NPR3: variants seen among roughly 807,000 people sequenced by gnomAD.
NPR3 encodes natriuretic peptide receptor 3.
In NPR3, 34 loss-of-function variants were observed where a neutral mutation model predicts 54.5. That is an observed-to-expected ratio of 0.62 (90% CI 0.47 to 0.83). NPR3 has a LOEUF of 0.83. NPR3 is among the 40% of genes least tolerant of loss of function. The probability of loss-of-function intolerance (pLI) is 0.00; values close to 1 mark genes in which losing one functional copy is unlikely to be tolerated. For missense variants in NPR3, 674 were observed against 720.8 expected (o/e 0.94, Z 0.74); for synonymous variants, 289 against 297.1 (o/e 0.97, Z 0.28).
rs188524414 is a variant in NPR3, at chr5:32,788,362, G to A, written c.*2017G>A. ...GAAGTAAAATCCAGGCAAGCAAAGC[G>A]TTGTACCACTTGGGACTCCCCAAAG... On this transcript the variant is annotated 3_prime_UTR_variant, in exon 8 of 8. Coordinates refer to ENST00000265074, the MANE Select transcript of NPR3 (RefSeq NM_001204375.2). 91 of 152,332 alleles carry A rather than the reference G, an allele frequency of 6.0e-4. No individual in the cohort carries two copies. Among genetic ancestry groups the A allele is most frequent in the Middle Eastern group, 3.4e-3 (1 of 294 alleles). 9.4% of individuals were successfully genotyped at this position (152,332 alleles called of 1,614,324 possible).
chr5:32,772,775 T>C (rs1399381124), intron 3 of NPR3, among the ~76,000 whole-genome samples: 1 of 150,464 alleles, frequency 6.6e-6, no homozygotes, highest in Non-Finnish European at 1.5e-5. Flanking sequence ...TCTTCTACAT[T>C]TATTAATTTT....
intron 3 of NPR3, among the ~76,000 whole-genome samples, chr5:32,749,231 G>A (rs1328832446): frequency 6.6e-6 from 1 of 152,026 alleles, no homozygotes; most frequent in Admixed American, 6.6e-5. Context: ...AGAAAAAAAG[G>A]TGCTTCTTAC....
upstream of NPR3, among the ~76,000 whole-genome samples, chr5:32,707,140 A>C (rs1264031566): frequency 1.3e-5 from 2 of 152,172 alleles, no homozygotes; most frequent in African/African-American, 4.8e-5. Flanking sequence ...TTCTAATGTC[A>C]CTTTGCCTCA....
intron 1 of NPR3, among the ~76,000 whole-genome samples, chr5:32,702,524 T>C (rs1277388988): frequency 6.6e-6 from 1 of 151,310 alleles, no homozygotes; most frequent in Non-Finnish European, 1.5e-5. Flanking sequence ...GTTTTTTTTG[T>C]CCTTACGATA....
At chr5:32,712,732 C>T (rs936513681) in intron 1 of NPR3, among the ~76,000 whole-genome samples, 187 bp downstream of exon 1, 1 of 152,228 alleles carries the variant, frequency 6.6e-6, no homozygotes, top group Non-Finnish European at 1.5e-5. Context: ...TCGCGGTGTA[C>T]GTAGAGGGTC....
At chr5:32,693,891 A>G (rs530669183) in intron 1 of NPR3, among the ~76,000 whole-genome samples, 2 of 152,278 alleles carry the variant, frequency 1.3e-5, no homozygotes, top group African/African-American at 2.4e-5. Context: ...ACTCCCCGCA[A>G]TGCAATCCTC....
intron 3 of NPR3, among the ~76,000 whole-genome samples, chr5:32,752,374 T>C (rs1401226976): frequency 6.6e-6 from 1 of 152,236 alleles, no homozygotes; most frequent in African/African-American, 2.4e-5. Flanking sequence ...TCTTGCCTTG[T>C]ACAATATCAT....
chr5:32,724,958 A>G, intron 2 of NPR3, 138 bp downstream of exon 2: 1 of 963,690 alleles, frequency 1.0e-6, no homozygotes. Flanking sequence ...AAACAATGGA[A>G]TCATGTCTTT....
chr5:32,762,264 G>A, intron 3 of NPR3, among the ~76,000 whole-genome samples: 2 of 152,082 alleles, frequency 1.3e-5, no homozygotes, highest in South Asian at 4.2e-4. Context: ...ACATGTGCAT[G>A]TGTCTTTATA....
At chr5:32,773,454 G>A (rs1325088655) in intron 3 of NPR3, among the ~76,000 whole-genome samples, 2 of 152,104 alleles carry the variant, frequency 1.3e-5, no homozygotes, top group African/African-American at 2.4e-5. Flanking sequence ...CCAGATTCTC[G>A]ATGATCTGAC....
intron 3 of NPR3, among the ~76,000 whole-genome samples, chr5:32,739,609 G>A (rs1354957192): frequency 6.6e-6 from 1 of 152,146 alleles, no homozygotes; most frequent in African/African-American, 2.4e-5. Flanking sequence ...TGCATTTCAA[G>A]AGTGGACAAG....
chr5:32,729,091 G>A (rs112078265), intron 2 of NPR3, among the ~76,000 whole-genome samples: 14,195 of 138,950 alleles, frequency 0.1, 874 homozygotes, highest in Middle Eastern at 0.19. Context: ...GTGCAGTGGC[G>A]GGATCTCGGC....
At position 32,712,004 on chromosome 5, in the gene NPR3, C is replaced by T; in HGVS notation, c.228C>T (p.Ile76=). The T allele has an allele frequency of 7.4e-6, 12 of 1,612,742 alleles. No individual in the cohort carries two copies. Among genetic ancestry groups the T allele is most frequent in the South Asian group, 1.1e-5 (1 of 91,006 alleles). The part of the protein sequence containing the change: ...LFSLTRVRPA[I]EYALRSVEGN... ...CACTCACCCGGGTGCGGCCGGCCAT[C>T]GAGTATGCTCTGCGCAGCGTGGAGG... Residue 76 remains isoleucine (I), a synonymous_variant, in exon 1 of 8, where the codon ATC becomes ATT. Coordinates refer to ENST00000265074, the MANE Select transcript of NPR3 (RefSeq NM_001204375.2).
At chr5:32,762,623 A>G (rs1741237071) in intron 3 of NPR3, among the ~76,000 whole-genome samples, 2 of 151,882 alleles carry the variant, frequency 1.3e-5, no homozygotes, top group African/African-American at 4.8e-5. Flanking sequence ...CTTCTGTCAT[A>G]TCCTTCTGTT....
upstream of NPR3, among the ~76,000 whole-genome samples, chr5:32,706,714 T>C (rs1738002654): frequency 6.6e-6 from 1 of 152,242 alleles, no homozygotes; most frequent in African/African-American, 2.4e-5. Flanking sequence ...TACCTTATAG[T>C]CCTGATTTGG....
chr5:32,713,488 C>T, intron 1 of NPR3: 1 of 980,298 alleles, frequency 1.0e-6, no homozygotes, highest in Non-Finnish European at 1.2e-6. Context: ...AGCGCCGATC[C>T]CTCCTCCCTC....
At chr5:32,705,632 A>AG (rs923357622), upstream of NPR3, among the ~76,000 whole-genome samples, 1 of 152,158 alleles carries the variant, frequency 6.6e-6, no homozygotes, top group African/African-American at 2.4e-5. Flanking sequence ...GACAGCACCA[A>AG]GGGGGATGGT....
intron 3 of NPR3, among the ~76,000 whole-genome samples, chr5:32,750,213 C>T (rs960226890): frequency 9.9e-5 from 15 of 152,226 alleles, no homozygotes; most frequent in Admixed American, 9.8e-4. Context: ...ACTGCAACCT[C>T]CGCTTCCCAG....
chr5:32,710,517 A>T, upstream of NPR3: 1 of 875,552 alleles, frequency 1.1e-6, no homozygotes, highest in Non-Finnish European at 1.6e-6. Flanking sequence ...GCGCTGACAG[A>T]GGGTCCGTGA....
Sources: allele counts gnomAD v4.1 joint callset (sites outside exome capture counted in the v4.1 genomes callset), GRCh38; gene constraint gnomAD v4.1.1; transcripts MANE v1.5; gene names NCBI Gene and HGNC (gene_info 2026-07-23, HGNC 2026-07-21).